The following CIP2A variants were observed in gnomAD, a reference collection of about 807,000 sequenced individuals.
CIP2A encodes cellular inhibitor of PP2A.
CIP2A carries 103 observed loss-of-function variants against 110.9 expected under a neutral mutation model. That is an observed-to-expected ratio of 0.93 (90% CI 0.79 to 1.09). The LOEUF (loss-of-function observed/expected upper bound fraction) is 1.09. CIP2A is among the 50% of genes least tolerant of loss of function. CIP2A has a pLI of 0.00. For missense variants in CIP2A, 1,088 were observed against 1,038.4 expected (o/e 1.05, Z -0.66); for synonymous variants, 381 against 361.6 (o/e 1.05, Z -0.61).
chr3:108,556,718 T>C (rs755136159), intron 17 of CIP2A, among the ~76,000 whole-genome samples: 45 of 152,306 alleles, frequency 3.0e-4, no homozygotes, highest in Middle Eastern at 3.4e-3. Context: ...TAATCAAGGA[T>C]ATTAAGAGAT....
intron 16 of CIP2A, among the ~76,000 whole-genome samples, chr3:108,559,493 A>G (rs1298977089): frequency 2.0e-5 from 3 of 152,112 alleles, no homozygotes; most frequent in Non-Finnish European, 4.4e-5. Context: ...TAAAGGAAAA[A>G]GGTTTAGAAT....
chr3:108,584,372 A>G (rs1468779774), intron 2 of CIP2A, among the ~76,000 whole-genome samples: 1 of 152,168 alleles, frequency 6.6e-6, no homozygotes, highest in Non-Finnish European at 1.5e-5. Context: ...AATATCTGCA[A>G]AGAAACATAC....
chr3:108,556,286 T>C (rs917077832), intron 17 of CIP2A, among the ~76,000 whole-genome samples: 15 of 152,290 alleles, frequency 9.8e-5, no homozygotes, highest in African/African-American at 3.6e-4. Flanking sequence ...CATAGAACAA[T>C]CTTAAAATAT....
chr3:108,586,212 A>G (rs1939035512), intron 1 of CIP2A, among the ~76,000 whole-genome samples: 1 of 152,156 alleles, frequency 6.6e-6, no homozygotes, highest in Non-Finnish European at 1.5e-5. Context: ...GGCTTTGCTG[A>G]TAAGAGTTTC....
chr3:108,575,329 C>CATATACACACAT lies in CIP2A; in HGVS notation c.894+941_894+942insATGTGTGTATAT, dbSNP rs1559698685. On this transcript the variant is annotated intron_variant, in intron 8 of 20. Coordinates refer to ENST00000295746, the MANE Select transcript of CIP2A (RefSeq NM_020890.3). Reference sequence around the variant, plus strand: ...GTACACACACGTGCATGTACACACACGTGTATATATACATATACACACATG... The same window carrying CATATACACACAT: ...GTACACACACGTGCATGTACACACACATATACACACATGTGTATATATACATATACACACATG... 2.7e-5 allele frequency among the ~76,000 whole-genome samples: 4 copies of CATATACACACAT among 149,458 alleles called. No homozygotes were observed. The East Asian group carries it at 8.0e-4, about 30-fold the overall frequency.
chr3:108,587,066 G>A (rs1490076593), intron 1 of CIP2A, among the ~76,000 whole-genome samples: 1 of 152,094 alleles, frequency 6.6e-6, no homozygotes, highest in African/African-American at 2.4e-5. Flanking sequence ...ATAAGTGATG[G>A]TAAATTTCAC....
At chr3:108,555,366 T>C (rs1576297660) in intron 17 of CIP2A, among the ~76,000 whole-genome samples, 1 of 152,274 alleles carries the variant, frequency 6.6e-6, no homozygotes, top group South Asian at 2.1e-4. Context: ...TAGATAGCCC[T>C]AGAAGTAAAT....
At chr3:108,556,822 T>C (rs974991872) in intron 17 of CIP2A, among the ~76,000 whole-genome samples, 1 of 152,146 alleles carries the variant, frequency 6.6e-6, no homozygotes, top group Non-Finnish European at 1.5e-5. Context: ...GAAATGACCA[T>C]TCAACCTAAT....
At chr3:108,561,908 C>T (rs1938019435) in intron 13 of CIP2A, among the ~76,000 whole-genome samples, 1 of 152,074 alleles carries the variant, frequency 6.6e-6, no homozygotes, top group African/African-American at 2.4e-5. Flanking sequence ...GAGGATAAGA[C>T]TTCCATGTTC....
At chr3:108,565,552 G>A (rs1938152400) in intron 11 of CIP2A, 98 bp from the exon 12 acceptor site, 1 of 616,430 alleles carries the variant, frequency 1.6e-6, no homozygotes, top group African/African-American at 1.9e-5. Flanking sequence ...ACCAACACTT[G>A]TGTTTTTTAA....
chr3:108,559,463 G>C (rs1318301971), intron 16 of CIP2A, among the ~76,000 whole-genome samples: 1 of 152,002 alleles, frequency 6.6e-6, no homozygotes, highest in Non-Finnish European at 1.5e-5. Context: ...GGTAACCATT[G>C]AAACCACAGA....
intron 20 of CIP2A, among the ~76,000 whole-genome samples, chr3:108,551,746 A>G (rs753594789): frequency 2.6e-5 from 4 of 152,090 alleles, no homozygotes; most frequent in Non-Finnish European, 5.9e-5. Flanking sequence ...TAAACGGGCC[A>G]GAAAGTACAA....
Position 108,569,555 on chromosome 3 carries a change from A to C in CIP2A, c.947T>G (p.Leu316Arg). 6.2e-7 allele frequency: 1 copy of C among 1,612,784 alleles called. No individual in the cohort carries two copies. The highest frequency in any genetic ancestry group is 8.5e-7 in the Non-Finnish European group (1 of 1,179,268). The part of the protein sequence containing the change: ...FCSVTQLRHM[L>R]TQMMFEQSPP... ...AGACTGTTCAAACATCATCTGAGTG[A>C]GCATATGGCGCAGCTGAGTCACTGA... The change falls in exon 9 of 21, where the codon CTC becomes CGC. Residue 316 changes from leucine to arginine, a missense_variant. By Grantham distance (102) the Leu-to-Arg change is moderately radical. Transcript: ENST00000295746.
intron 11 of CIP2A, among the ~76,000 whole-genome samples, chr3:108,566,167 G>A (rs1938173147): frequency 6.6e-6 from 1 of 151,634 alleles, no homozygotes; most frequent in African/African-American, 2.4e-5. Context: ...GTTTTTTCAT[G>A]CTTTTCATTT....
intron 1 of CIP2A, 81 bp downstream of exon 1, chr3:108,589,193 G>T (rs1057168109): frequency 8.6e-5 from 87 of 1,010,780 alleles, no homozygotes; most frequent in Middle Eastern, 4.1e-4. Flanking sequence ...TCCCAGGCTG[G>T]GGCCGCCACT....
chr3:108,555,659 G>A (rs1427254790), intron 17 of CIP2A, among the ~76,000 whole-genome samples: 1 of 152,094 alleles, frequency 6.6e-6, no homozygotes, highest in East Asian at 1.9e-4. Context: ...TCCCTAGCTA[G>A]TTAACATTTT....
chr3:108,565,302 T>C, intron 12 of CIP2A, 53 bp downstream of exon 12: 1 of 856,268 alleles, frequency 1.2e-6, no homozygotes, highest in East Asian at 2.6e-5. Flanking sequence ...GAAACTTATA[T>C]TAGGACCATT....
At chr3:108,572,240 T>C (rs1938425455) in intron 8 of CIP2A, among the ~76,000 whole-genome samples, 1 of 152,064 alleles carries the variant, frequency 6.6e-6, no homozygotes, top group Admixed American at 6.6e-5. Context: ...AGTGCTTTTG[T>C]TTCCTGTTTA....
In CIP2A at chr3:108,575,595, CGTGT is replaced by C. The variant is rs1461467214; in HGVS notation, c.894+672_894+675del. Among the ~76,000 whole-genome samples, 6 of 138,554 alleles carry C rather than the reference CGTGT, an allele frequency of 4.3e-5. 2 individuals are homozygous for C. The highest frequency in any genetic ancestry group is 9.3e-5 in the Non-Finnish European group (6 of 64,708). 90.9% of individuals were successfully genotyped at this position (138,554 alleles called of 152,430 possible). A position where few individuals can be genotyped will look rare whatever the true frequency, so the allele number is the denominator to read the frequency against. ...ATACTCATATACATGTGTATATATA[CGTGT>C]ATATATACTCATATACATGTGTATA... is the stretch of plus-strand genomic sequence containing the variant. On this transcript the variant is annotated intron_variant, in intron 8 of 20. Coordinates refer to ENST00000295746, the MANE Select transcript of CIP2A (RefSeq NM_020890.3).
Sources: allele counts gnomAD v4.1 joint callset (sites outside exome capture counted in the v4.1 genomes callset), GRCh38; gene constraint gnomAD v4.1.1; transcripts MANE v1.5; gene names NCBI Gene and HGNC (gene_info 2026-07-23, HGNC 2026-07-21).